Variants in PRICKLE2 observed in about 807,000 individuals in gnomAD.
PRICKLE2 encodes prickle-like protein 2.
A neutral mutation model predicts 81.4 loss-of-function variants in PRICKLE2; 21 were observed. That is an observed-to-expected ratio of 0.26 (90% CI 0.18 to 0.37). PRICKLE2 has a LOEUF of 0.37. Ranked by LOEUF, PRICKLE2 falls within the 10% of genes least tolerant of loss-of-function variation. The probability of loss-of-function intolerance (pLI) is 1.00; values close to 1 mark genes in which losing one functional copy is unlikely to be tolerated. For synonymous variants in PRICKLE2, 456 were observed against 421.5 expected (o/e 1.08, Z -1.00); for missense variants, 940 against 1,109.0 (o/e 0.85, Z 2.16).
At chr3:64,186,097 A>G (rs2078226593) in intron 2 of PRICKLE2, among the ~76,000 whole-genome samples, 1 of 152,208 alleles carries the variant, frequency 6.6e-6, no homozygotes, top group Admixed American at 6.5e-5. Context: ...CACTTTGCAT[A>G]GATCAACAGT....
intron 2 of PRICKLE2, among the ~76,000 whole-genome samples, chr3:64,164,718 C>T (rs989805142): frequency 2.0e-5 from 3 of 152,194 alleles, no homozygotes; most frequent in African/African-American, 7.2e-5. Context: ...ATAAGCCCCT[C>T]CCTATAGGCA....
chr3:64,133,515 A>T (rs2077229515), intron 7 of PRICKLE2, among the ~76,000 whole-genome samples: 1 of 151,976 alleles, frequency 6.6e-6, no homozygotes, highest in Non-Finnish European at 1.5e-5. Context: ...TCTCATCCAC[A>T]GACTCAGAGA....
chr3:64,207,691 T>TA (rs2078713094), intron 1 of PRICKLE2, among the ~76,000 whole-genome samples: 1 of 152,192 alleles, frequency 6.6e-6, no homozygotes, highest in African/African-American at 2.4e-5. Context: ...AACATATACT[T>TA]ACGGGTATCA....
At chr3:64,135,694 T>TCACA (rs9311884) in intron 7 of PRICKLE2, among the ~76,000 whole-genome samples, 4 of 149,644 alleles carry the variant, frequency 2.7e-5, no homozygotes, top group Admixed American at 6.7e-5. Flanking sequence ...CGATCACAGA[T>TCACA]CACACACACA....
intron 2 of PRICKLE2, among the ~76,000 whole-genome samples, chr3:64,181,745 C>G (rs1028723682): frequency 1.3e-4 from 20 of 152,222 alleles, no homozygotes; most frequent in Admixed American, 3.9e-4. Flanking sequence ...ATAAAATGAT[C>G]TTAAAATTCT....
rs73832146 is a variant in PRICKLE2 at position 64,262,369 on chromosome 3, G to T, written c.129-63402C>A. Among the ~76,000 whole-genome samples, 1,395 of 152,242 alleles carry T rather than the reference G, an allele frequency of 9.2e-3. 20 individuals carry two copies. The highest frequency in any genetic ancestry group is 0.032 in the African/African-American group (1,327 of 41,544). ...GGTGCCATTTGTTGACACAGTCAAGGCTTAAGGAAAGGAAAAAGTTAGCGC... is the reference window on the plus strand; with the variant it reads ...GGTGCCATTTGTTGACACAGTCAAGTCTTAAGGAAAGGAAAAAGTTAGCGC... On this transcript the variant is annotated intron_variant, in intron 2 of 8. Coordinates refer to the PRICKLE2 transcript ENST00000295902.
intron 2 of PRICKLE2, among the ~76,000 whole-genome samples, chr3:64,265,659 T>C (rs2079692476): frequency 6.6e-6 from 1 of 152,184 alleles, no homozygotes; most frequent in Non-Finnish European, 1.5e-5. Context: ...ATATTGTTGA[T>C]GTACTTCAGG....
chr3:64,109,375 T>A (rs926034173), intron 7 of PRICKLE2, among the ~76,000 whole-genome samples: 1 of 152,124 alleles, frequency 6.6e-6, no homozygotes, highest in Non-Finnish European at 1.5e-5. Context: ...AAATCCTGAG[T>A]TTTTGATGTA....
chr3:64,230,144 A>G (rs1447369492), upstream of PRICKLE2, among the ~76,000 whole-genome samples: 2 of 152,188 alleles, frequency 1.3e-5, no homozygotes, highest in Non-Finnish European at 1.5e-5. Context: ...CTAGTGGTCA[A>G]ACTAGTCTCA....
chr3:64,140,346 T>C (rs776638173), intron 7 of PRICKLE2, among the ~76,000 whole-genome samples: 28 of 152,226 alleles, frequency 1.8e-4, no homozygotes, highest in Non-Finnish European at 3.8e-4. Context: ...ATGTCATATT[T>C]GCTAAGTGAA....
chr3:64,252,084 A>T (rs994354215), intron 2 of PRICKLE2, among the ~76,000 whole-genome samples: 3 of 152,202 alleles, frequency 2.0e-5, no homozygotes. Flanking sequence ...TTAAGAATGC[A>T]TTTCAATCAA....
rs2076521491 is a variant in PRICKLE2, at chr3:64,092,438, G to A, written c.*6613C>T. The A allele has an allele frequency of 6.6e-6, 1 of 152,150 alleles. No homozygotes were observed. The highest frequency in any genetic ancestry group is 1.5e-5 in the Non-Finnish European group (1 of 68,026). The allele number at this position is 152,150 out of a possible 1,614,324, so 9.4% of individuals were successfully genotyped here. A position where few individuals can be genotyped will look rare whatever the true frequency, so the allele number is the denominator to read the frequency against. ...ATTTTTGTTTGTTTTGCACATTATT[G>A]TATTCCAAGCACCTAGAACGGTTCC... On this transcript the variant is annotated 3_prime_UTR_variant, in exon 8 of 8. Coordinates refer to ENST00000638394, the MANE Select transcript of PRICKLE2 (RefSeq NM_198859.4).
At chr3:64,143,228 C>A (rs111414383) in intron 7 of PRICKLE2, among the ~76,000 whole-genome samples, 1 of 152,140 alleles carries the variant, frequency 6.6e-6, no homozygotes, top group Non-Finnish European at 1.5e-5. Flanking sequence ...TCTAGTGCAA[C>A]TAATGGCCTG....
At chr3:64,243,001 G>A (rs2079291005) in intron 2 of PRICKLE2, among the ~76,000 whole-genome samples, 1 of 152,196 alleles carries the variant, frequency 6.6e-6, no homozygotes, top group Non-Finnish European at 1.5e-5. Context: ...TTTAGGTGAT[G>A]GCCCCAAAGA....
chr3:64,136,724 C>T (rs1051234333), intron 7 of PRICKLE2, among the ~76,000 whole-genome samples: 1 of 151,798 alleles, frequency 6.6e-6, no homozygotes, highest in Non-Finnish European at 1.5e-5. Flanking sequence ...GAGGGAGATG[C>T]TAAAGAAGTT....
At chr3:64,219,075 G>A (rs929005084) in intron 1 of PRICKLE2, among the ~76,000 whole-genome samples, 1 of 152,072 alleles carries the variant, frequency 6.6e-6, no homozygotes, top group Non-Finnish European at 1.5e-5. Flanking sequence ...GCCATTCTCT[G>A]GGGGGCTACC....
At chr3:64,267,621 T>C (rs1266427014) in intron 2 of PRICKLE2, among the ~76,000 whole-genome samples, 1 of 150,990 alleles carries the variant, frequency 6.6e-6, no homozygotes, top group Non-Finnish European at 1.5e-5. Context: ...TCTTAAGTAG[T>C]CCTAATACAA....
At chr3:64,191,319 T>C (rs1332761089) in intron 2 of PRICKLE2, among the ~76,000 whole-genome samples, 1 of 152,162 alleles carries the variant, frequency 6.6e-6, no homozygotes, top group Admixed American at 6.5e-5. Flanking sequence ...CATACTACTA[T>C]TTCACAAGAA....
chr3:64,244,769 A>G (rs1171019481), intron 2 of PRICKLE2, among the ~76,000 whole-genome samples: 6 of 152,178 alleles, frequency 3.9e-5, no homozygotes, highest in African/African-American at 1.4e-4. Flanking sequence ...TATAGCAGAA[A>G]TATAGCACGG....
Sources: gnomAD v4.1 joint callset for allele counts (sites outside exome capture counted in the v4.1 genomes callset) on GRCh38, gnomAD v4.1.1 for gene constraint, MANE v1.5 for transcripts, NCBI Gene and HGNC (gene_info 2026-07-23, HGNC 2026-07-21) for gene names.